ADAMTSL3: variants seen among roughly 807,000 people sequenced by gnomAD.
ADAMTSL3 encodes ADAMTS-like protein 3.
ADAMTSL3 carries 128 observed loss-of-function variants against 201.7 expected under a neutral mutation model. The ratio of observed to expected loss-of-function variants is 0.63; its 90% CI spans 0.55 to 0.73. The LOEUF (loss-of-function observed/expected upper bound fraction) is 0.73. Ranked by LOEUF, ADAMTSL3 falls within the 30% of genes least tolerant of loss-of-function variation. The probability of loss-of-function intolerance (pLI) is 0.00; values close to 1 mark genes in which losing one functional copy is unlikely to be tolerated. For synonymous variants in ADAMTSL3, 738 were observed against 748.4 expected (o/e 0.99, Z 0.23); for missense variants, 1,990 against 2,119.6 (o/e 0.94, Z 1.20).
At chr15:83,688,327 C>A (rs901249705) in intron 2 of ADAMTSL3, among the ~76,000 whole-genome samples, 5 of 152,122 alleles carry the variant, frequency 3.3e-5, no homozygotes, top group Non-Finnish European at 7.3e-5. Context: ...CGTTATGAGG[C>A]ACACAATGAA....
intron 5 of ADAMTSL3, among the ~76,000 whole-genome samples, chr15:83,817,236 T>C (rs1278752943): frequency 6.6e-6 from 1 of 152,158 alleles, no homozygotes; most frequent in African/African-American, 2.4e-5. Context: ...AACAATAAAA[T>C]ACAAACGTGA....
Position 83,942,997 on chromosome 15 carries a change from T to A in ADAMTSL3, c.2405T>A (p.Leu802Ter), listed in dbSNP as rs765533111. 1.2e-6 allele frequency: 2 copies of A among 1,614,004 alleles called. No homozygotes were observed. The highest frequency in any genetic ancestry group is 1.7e-6 in the Non-Finnish European group (2 of 1,179,980). ...AGCTTTTTGAATCTCTCAGATGAAT[T>A]GTGCCAAGGACCCAAGGCATCGTCT... ...DGSFLNLSDE[L>*]CQGPKASSHK... is the part of the protein sequence containing the mutation. The change falls in exon 19 of 30, where the codon TTG becomes TAG. Residue 802 changes from leucine to a stop codon, truncating the protein, a stop_gained. Transcript: ENST00000286744. LOFTEE classifies it high-confidence loss of function.
intron 19 of ADAMTSL3, among the ~76,000 whole-genome samples, chr15:83,948,972 T>A (rs2066709792): frequency 6.6e-6 from 1 of 152,112 alleles, no homozygotes; most frequent in Non-Finnish European, 1.5e-5. Context: ...GAGAATGGGG[T>A]ATCCATCCCC....
At chr15:83,661,552 C>T (rs138906520) in intron 2 of ADAMTSL3, among the ~76,000 whole-genome samples, 10,494 of 151,498 alleles carry the variant, frequency 0.069, 412 homozygotes, top group East Asian at 0.12. Flanking sequence ...CAATTGTGAA[C>T]GGGAGTTCAC....
intron 13 of ADAMTSL3, among the ~76,000 whole-genome samples, chr15:83,897,647 A>G (rs2065644106): frequency 6.6e-6 from 1 of 152,212 alleles, no homozygotes; most frequent in Non-Finnish European, 1.5e-5. Flanking sequence ...TTTTGAATTG[A>G]GAAGTGGAAC....
chr15:83,807,581 C>T (rs1038073594), intron 5 of ADAMTSL3, among the ~76,000 whole-genome samples: 1 of 151,908 alleles, frequency 6.6e-6, no homozygotes, highest in African/African-American at 2.4e-5. Flanking sequence ...TAATACAATC[C>T]CTGTTAAAAT....
chr15:83,785,374 CTTAT>C (rs2063244550), intron 4 of ADAMTSL3, among the ~76,000 whole-genome samples: 2 of 152,142 alleles, frequency 1.3e-5, no homozygotes, highest in Admixed American at 1.3e-4. Flanking sequence ...CAGTGAATGG[CTTAT>C]TTGAGTATAA....
intron 3 of ADAMTSL3, among the ~76,000 whole-genome samples, chr15:83,731,566 A>G (rs1303158117): frequency 6.6e-6 from 1 of 152,050 alleles, no homozygotes; most frequent in Admixed American, 6.6e-5. Context: ...TATGTATCCA[A>G]AGGAAATAAA....
chr15:83,797,998 A>G (rs2063455297), intron 4 of ADAMTSL3, among the ~76,000 whole-genome samples: 1 of 152,210 alleles, frequency 6.6e-6, no homozygotes, highest in Non-Finnish European at 1.5e-5. Flanking sequence ...TGATCAATAA[A>G]TTTTGGTATA....
In ADAMTSL3 at chr15:83,727,791, C is replaced by T. The variant is rs118118391; in HGVS notation, c.189+23283C>T. On this transcript the variant is annotated intron_variant, in intron 3 of 29. Coordinates refer to ENST00000286744, the MANE Select transcript of ADAMTSL3 (RefSeq NM_207517.3). Reference sequence around the variant, plus strand: ...ACCTGTTTTTGGCCTAACATGTGGTCTATCCTTGAGAACGAGCCATGTGTT... The same window carrying T: ...ACCTGTTTTTGGCCTAACATGTGGTTTATCCTTGAGAACGAGCCATGTGTT... Among the ~76,000 whole-genome samples the T allele has an allele frequency of 2.7e-3, 410 of 152,040 alleles. 10 individuals are homozygous for T. The East Asian group carries it at 0.065, about 24-fold the overall frequency.
In ADAMTSL3 at chr15:83,773,721, T is replaced by G. The variant is rs1383958890; in HGVS notation, c.317+71T>G. ...CCTCTGGATGGGTGGAGAGGAGAGA[T>G]AACTTTATATGGCTTTGGAATGTAC... On this transcript the variant is annotated intron_variant, in intron 4 of 29. Transcript: ENST00000286744. The G allele has an allele frequency of 7.9e-6, 12 of 1,519,892 alleles. No homozygotes were observed. The African/African-American group carries it at 1.1e-4, about 14-fold the overall frequency. The allele number at this position is 1,519,892 out of a possible 1,614,324, so 94.2% of individuals were successfully genotyped here.
chr15:83,678,030 C>T lies in ADAMTSL3; in HGVS notation c.69+22200C>T, dbSNP rs181905549. On this transcript the variant is annotated intron_variant, in intron 2 of 29. Transcript: ENST00000286744. ...TAAAGTCTACTGATACCAACTTTAC[C>T]ACCTCACTTAGTGTAGAAACCTTAC... 2.3e-3 allele frequency among the ~76,000 whole-genome samples: 353 copies of T among 151,994 alleles called. 2 individuals are homozygous for T. Among genetic ancestry groups the T allele is most frequent in the African/African-American group, 8.0e-3 (334 of 41,506 alleles).
chr15:83,988,098 T>C (rs2067514184), intron 21 of ADAMTSL3, among the ~76,000 whole-genome samples: 2 of 152,224 alleles, frequency 1.3e-5, no homozygotes, highest in South Asian at 4.1e-4. Context: ...ATATCAGTAA[T>C]TGGGAAACCA....
At chr15:83,891,866 C>T (rs1341880595) in intron 12 of ADAMTSL3, among the ~76,000 whole-genome samples, 1 of 152,170 alleles carries the variant, frequency 6.6e-6, no homozygotes, top group Non-Finnish European at 1.5e-5. Flanking sequence ...TTGACAGAAA[C>T]CCCGGATGTG....
rs183752199 is a variant in ADAMTSL3 at position 83,812,972 on chromosome 15, G to A, written c.364-6839G>A. 9.9e-5 allele frequency among the ~76,000 whole-genome samples: 15 copies of A among 152,270 alleles called. No homozygotes were observed. In the East Asian group the frequency reaches 2.9e-3, roughly 29 times the overall value. The stretch of plus-strand genomic sequence containing the variant: ...ATTTAACCTCAGACAGTCAGGTTTC[G>A]GTGAGTGCACACCTAACCACTCTAC... On this transcript the variant is annotated intron_variant, in intron 5 of 29. Coordinates refer to ENST00000286744, the MANE Select transcript of ADAMTSL3 (RefSeq NM_207517.3).
chr15:83,861,264 C>A (rs2064851495), intron 8 of ADAMTSL3, among the ~76,000 whole-genome samples: 1 of 152,290 alleles, frequency 6.6e-6, no homozygotes, highest in Non-Finnish European at 1.5e-5. Flanking sequence ...CTTAAATGTC[C>A]CTGTCTGACA....
intron 9 of ADAMTSL3, among the ~76,000 whole-genome samples, chr15:83,872,007 G>A (rs549264987): frequency 1.1e-4 from 17 of 152,284 alleles, no homozygotes; most frequent in African/African-American, 2.6e-4. Context: ...CATGCACGGA[G>A]GTAGATTAGA....
chr15:84,036,834 T>C lies in ADAMTSL3; in HGVS notation c.4816T>C (p.Trp1606Arg). Residue 1606 changes from tryptophan to arginine, a missense_variant, in exon 29 of 30, where the codon TGG becomes CGG. Trp to Arg is a moderately radical substitution (Grantham distance 101). Coordinates refer to ENST00000286744, the MANE Select transcript of ADAMTSL3 (RefSeq NM_207517.3). ...TGATGTGTGTTGGCACACAGGCCCT[T>C]GGAAGCCCTGTACAGCAGCCTGTGG... is the stretch of plus-strand genomic sequence containing the variant. ...ACDVCWHTGP[W>R]KPCTAACGRG... is the part of the protein sequence containing the mutation. 6.2e-7 allele frequency: 1 copy of C among 1,614,090 alleles called. No homozygotes were observed.
At chr15:83,929,503 T>C (rs1350989030) in intron 17 of ADAMTSL3, among the ~76,000 whole-genome samples, 2 of 152,182 alleles carry the variant, frequency 1.3e-5, no homozygotes, top group East Asian at 3.9e-4. Flanking sequence ...GGGCCTACTC[T>C]AATGACCTCC....
Sources: gnomAD v4.1 joint callset for allele counts (sites outside exome capture counted in the v4.1 genomes callset) on GRCh38, gnomAD v4.1.1 for gene constraint, MANE v1.5 for transcripts, NCBI Gene and HGNC (gene_info 2026-07-23, HGNC 2026-07-21) for gene names.